The following SERF2 variants were observed in gnomAD, a reference collection of about 807,000 sequenced individuals.
SERF2 encodes the protein gastric cancer-related protein VRG107.
A neutral mutation model predicts 10.7 loss-of-function variants in SERF2; 4 were observed. The observed-to-expected ratio is 0.37, with a 90% CI of 0.18 to 0.86. The LOEUF (loss-of-function observed/expected upper bound fraction) is 0.86, where lower values mean the gene tolerates loss of function less well. SERF2 is among the 40% of genes least tolerant of loss of function. The pLI is 0.43. For missense variants in SERF2, 47 were observed against 79.1 expected (o/e 0.59, Z 1.54); for synonymous variants, 26 against 26.0 (o/e 1.00, Z 0.01).
At chr15:43,777,100 G>A (rs920044913) in exon 1 of SERF2, 4 of 862,002 alleles carry the variant, frequency 4.6e-6, no homozygotes, top group African/African-American at 1.7e-5. Flanking sequence ...CGCTCTCCCC[G>A]GCCAACCGCC....
chr15:43,788,309 C>T (rs118130759), upstream of SERF2, among the ~76,000 whole-genome samples: 1,014 of 152,188 alleles, frequency 6.7e-3, 18 homozygotes, highest in East Asian at 0.041. Context: ...CATGCCCAAC[C>T]TGGAGACAGG....
intron 1 of SERF2, among the ~76,000 whole-genome samples, chr15:43,779,066 G>T (rs936498875): frequency 6.6e-6 from 1 of 152,216 alleles, no homozygotes; most frequent in Admixed American, 6.5e-5. Flanking sequence ...GAGATTTACT[G>T]CAGTAGTGCC....
At chr15:43,790,471 T>C (rs1285580607), upstream of SERF2, among the ~76,000 whole-genome samples, 6 of 152,082 alleles carry the variant, frequency 3.9e-5, no homozygotes, top group Admixed American at 3.9e-4. Context: ...CATCAAGATA[T>C]ACCCAATTGT....
At chr15:43,789,160 A>G (rs1453816617), upstream of SERF2, among the ~76,000 whole-genome samples, 2 of 152,036 alleles carry the variant, frequency 1.3e-5, no homozygotes, top group Non-Finnish European at 2.9e-5. Context: ...AAAAAAAAAA[A>G]AAAGAAAAGT....
In SERF2 at chr15:43,795,392, A is replaced by G. The variant is rs2087186200; in HGVS notation, c.*1619A>G. The G allele has an allele frequency of 3.7e-6, 6 of 1,614,152 alleles. No homozygotes were observed. The highest frequency in any genetic ancestry group is 5.1e-6 in the Non-Finnish European group (6 of 1,180,018). ...CTAAGGCCCACTCCATCTTACCTGAACCAGTTGGTAAGGGTAACCATGACA... is the reference window on the plus strand; with the variant it reads ...CTAAGGCCCACTCCATCTTACCTGAGCCAGTTGGTAAGGGTAACCATGACA... On this transcript the variant is annotated 3_prime_UTR_variant, in exon 3 of 3. Coordinates refer to ENST00000249786, the MANE Select transcript of SERF2 (RefSeq NM_001018108.4).
At chr15:43,781,740 C>A (rs2086966564) in intron 1 of SERF2, among the ~76,000 whole-genome samples, 1 of 151,444 alleles carries the variant, frequency 6.6e-6, no homozygotes, top group South Asian at 2.1e-4. Context: ...TGCCACCATG[C>A]CTGGCTGATT....
At position 43,794,504 on chromosome 15, in the gene SERF2, T is replaced by C. The variant is rs1032951372; in HGVS notation, c.*731T>C. 1.2e-5 allele frequency: 2 copies of C among 160,746 alleles called. No individual in the cohort carries two copies. The highest frequency in any genetic ancestry group is 4.8e-5 in the African/African-American group (2 of 41,638). 10.0% of individuals were successfully genotyped at this position (160,746 alleles called of 1,614,324 possible). On this transcript the variant is annotated 3_prime_UTR_variant, in exon 3 of 3. Coordinates refer to ENST00000249786, the MANE Select transcript of SERF2 (RefSeq NM_001018108.4). ...ATGAGGGTGGTTTTGTCTTCCCGCTTCCCTTGACCTCAAAATCAGGATTAA... is the reference window on the plus strand; with the variant it reads ...ATGAGGGTGGTTTTGTCTTCCCGCTCCCCTTGACCTCAAAATCAGGATTAA...
chr15:43,794,648 G>A lies in SERF2; in HGVS notation c.*875G>A. 4.4e-6 allele frequency: 1 copy of A among 226,890 alleles called. No individual in the cohort carries two copies. Among genetic ancestry groups the A allele is most frequent in the Non-Finnish European group, 8.8e-6 (1 of 113,686 alleles). 14.1% of individuals were successfully genotyped at this position (226,890 alleles called of 1,614,324 possible). A position where few individuals can be genotyped will look rare whatever the true frequency, so the allele number is the denominator to read the frequency against. On this transcript the variant is annotated 3_prime_UTR_variant, in exon 3 of 3. Transcript: ENST00000249786. ...TTATTTTCCTTTCTCCAAGGGCAGA[G>A]CCGAGTCTTCAGTCCCTGTTGGTCT...
Position 43,784,662 on chromosome 15 carries a change from G to A in SERF2, c.-526-748G>A, listed in dbSNP as rs183215086. Among the ~76,000 whole-genome samples the A allele has an allele frequency of 5.6e-3, 850 of 151,676 alleles. 3 individuals are homozygous for A. The highest frequency in any genetic ancestry group is 9.5e-3 in the Admixed American group (144 of 15,206). On this transcript the variant is annotated intron_variant, in intron 1 of 4. Coordinates refer to the SERF2 transcript ENST00000381359. ...TTTTTGTATTTTTAGTAGAGACAGG[G>A]TTTCACCATGGTCTCGATCTCCTGA...
Position 43,795,877 on chromosome 15 carries a change from G to A in SERF2, c.*2104G>A, listed in dbSNP as rs1178738001. ...TTCAAATTCTAGCTCCAGCATATAA[G>A]TGGCTGTGCAGACTTTGGTAAGATG... is the stretch of plus-strand genomic sequence containing the variant. On this transcript the variant is annotated 3_prime_UTR_variant, in exon 3 of 3. Coordinates refer to ENST00000249786, the MANE Select transcript of SERF2 (RefSeq NM_001018108.4). The A allele has an allele frequency of 7.4e-6, 6 of 806,096 alleles. No homozygotes were observed. The highest frequency in any genetic ancestry group is 2.8e-5 in the Admixed American group (1 of 35,302). The allele number at this position is 806,096 out of a possible 1,614,324, so 49.9% of individuals were successfully genotyped here.
In SERF2 at chr15:43,795,423, T is replaced by C. The variant is rs1484716813; in HGVS notation, c.*1650T>C. The stretch of plus-strand genomic sequence containing the variant: ...TGGTAAGGGTAACCATGACATAGAG[T>C]GAGGCAAGGAAGAAGACGAAGTGGA... On this transcript the variant is annotated 3_prime_UTR_variant, in exon 3 of 3. Transcript: ENST00000249786. 1.2e-6 allele frequency: 2 copies of C among 1,613,646 alleles called. No homozygotes were observed. Among genetic ancestry groups the C allele is most frequent in the Non-Finnish European group, 8.5e-7 (1 of 1,179,948 alleles).
chr15:43,795,178 T>C lies in SERF2; in HGVS notation c.*1405T>C, dbSNP rs752286728. The C allele has an allele frequency of 1.2e-5, 19 of 1,613,980 alleles. No homozygotes were observed. The highest frequency in any genetic ancestry group is 5.1e-6 in the Non-Finnish European group (6 of 1,180,016). ...GACCCAGAAGGTGGCCCAGCTACCC[T>C]TGATGAAGGTCTTTTCCAGTTCTGC... On this transcript the variant is annotated 3_prime_UTR_variant, in exon 3 of 3. Coordinates refer to ENST00000249786, the MANE Select transcript of SERF2 (RefSeq NM_001018108.4).
In SERF2 at chr15:43,794,820, G is replaced by C. The variant is rs1469288790; in HGVS notation, c.*1047G>C. The C allele has an allele frequency of 5.2e-6, 3 of 582,230 alleles. No homozygotes were observed. Among genetic ancestry groups the C allele is most frequent in the East Asian group, 2.8e-5 (1 of 36,084 alleles). 36.1% of individuals were successfully genotyped at this position (582,230 alleles called of 1,614,324 possible). ...ATGTAACAGTAGCTCCAGTGAGTCA[G>C]ACACTCTGCCCAGCACATTAGACTG... is the stretch of plus-strand genomic sequence containing the variant. On this transcript the variant is annotated 3_prime_UTR_variant, in exon 3 of 3. Coordinates refer to ENST00000249786, the MANE Select transcript of SERF2 (RefSeq NM_001018108.4).
chr15:43,793,129 AGACCAAGG>A, intron 2 of SERF2, 46 bp downstream of exon 2: 1 of 1,255,704 alleles, frequency 8.0e-7, no homozygotes, highest in South Asian at 1.2e-5. Context: ...GACCTGGGTT[AGACCAAGG>A]GTTATAGAAG....
intron 1 of SERF2, among the ~76,000 whole-genome samples, chr15:43,781,592 C>CT (rs565641402): frequency 0.17 from 22,888 of 134,558 alleles, 2,626 homozygotes; most frequent in East Asian, 0.32. Flanking sequence ...TGCATTTTTC[C>CT]TTTTTTTTTT....
intron 1 of SERF2, 192 bp from the exon 2 acceptor site, chr15:43,792,783 G>C: frequency 1.5e-6 from 1 of 687,714 alleles, no homozygotes; most frequent in South Asian, 2.0e-5. Context: ...TCTCTAGTCC[G>C]TATTTTGACC....
At chr15:43,792,880 T>G in intron 1 of SERF2, 95 bp from the exon 2 acceptor site, 1 of 863,918 alleles carries the variant, frequency 1.2e-6, no homozygotes, top group Non-Finnish European at 1.8e-6. Flanking sequence ...ATTGAAGTGG[T>G]GTTGGATCCT....
chr15:43,795,229 C>T lies in SERF2; in HGVS notation c.*1456C>T. On this transcript the variant is annotated 3_prime_UTR_variant, in exon 3 of 3. Coordinates refer to ENST00000249786, the MANE Select transcript of SERF2 (RefSeq NM_001018108.4). ...TCCCTCATAGCTGTGTAACCAAAGG[C>T]TCTGGTTAGAGAATATGAAGGGCCT... 1 of 1,613,304 alleles carries T rather than the reference C, an allele frequency of 6.2e-7. No homozygotes were observed. Among genetic ancestry groups the T allele is most frequent in the Non-Finnish European group, 8.5e-7 (1 of 1,179,328 alleles).
chr15:43,794,138 C>A lies in SERF2; in HGVS notation c.*365C>A. ...CAAAAAAGGGAGAACTCTTTAGATT[C>A]AGATTGTGGGTATGTAGACTTAATA... On this transcript the variant is annotated 3_prime_UTR_variant, in exon 3 of 3. Transcript: ENST00000249786. 1.6e-6 allele frequency: 1 copy of A among 643,686 alleles called. No homozygotes were observed. The highest frequency in any genetic ancestry group is 2.6e-6 in the Non-Finnish European group (1 of 383,710). 39.9% of individuals were successfully genotyped at this position (643,686 alleles called of 1,614,324 possible).
Sources: gnomAD v4.1 joint callset for allele counts (sites outside exome capture counted in the v4.1 genomes callset) on GRCh38, gnomAD v4.1.1 for gene constraint, MANE v1.5 for transcripts, NCBI Gene and HGNC (gene_info 2026-07-23, HGNC 2026-07-21) for gene names.